DNM3: variants seen among roughly 807,000 people sequenced by gnomAD.
The protein encoded by DNM3 is dynamin 3, also known as dynamin-3.
Under a neutral mutation model 101.6 loss-of-function variants are expected in DNM3, and 47 were observed. The observed-to-expected ratio is 0.46, with a 90% CI of 0.37 to 0.59. DNM3 has a LOEUF of 0.59. Among genes scored for constraint, DNM3 ranks in the 20% least tolerant of loss-of-function variants. The pLI is 0.00. For missense variants in DNM3, 849 were observed against 1,085.7 expected (o/e 0.78, Z 3.06); for synonymous variants, 385 against 387.9 (o/e 0.99, Z 0.09).
chr1:172,232,846 C>A (rs564523354), intron 14 of DNM3, among the ~76,000 whole-genome samples: 63 of 152,134 alleles, frequency 4.1e-4, no homozygotes, highest in Non-Finnish European at 7.8e-4. Flanking sequence ...CCAACGAGGA[C>A]AAAGGCACAA....
At chr1:171,946,222 C>G (rs1024234654) in intron 2 of DNM3, among the ~76,000 whole-genome samples, 5 of 151,970 alleles carry the variant, frequency 3.3e-5, no homozygotes, top group African/African-American at 1.2e-4. Context: ...TTACCTGGGG[C>G]CTGCAAATGA....
At chr1:172,356,530 G>A (rs2067459977) in intron 17 of DNM3, among the ~76,000 whole-genome samples, 1 of 151,996 alleles carries the variant, frequency 6.6e-6, no homozygotes, top group African/African-American at 2.4e-5. Flanking sequence ...TGTAATGAAA[G>A]AGCCATAGAC....
At chr1:172,341,363 C>T (rs1268091411) in intron 17 of DNM3, among the ~76,000 whole-genome samples, 1 of 152,132 alleles carries the variant, frequency 6.6e-6, no homozygotes, top group Non-Finnish European at 1.5e-5. Flanking sequence ...CAGTAGTATT[C>T]TTCACAGAAT....
chr1:172,180,454 A>G (rs1306658015), intron 14 of DNM3, among the ~76,000 whole-genome samples: 1 of 152,012 alleles, frequency 6.6e-6, no homozygotes, highest in Non-Finnish European at 1.5e-5. Context: ...AAATATTCTG[A>G]TAGATAAATA....
chr1:172,049,741 T>C lies in DNM3; in HGVS notation c.1335+991T>C, dbSNP rs888309779. Among the ~76,000 whole-genome samples, 6 of 152,150 alleles carry C rather than the reference T, an allele frequency of 3.9e-5. No individual in the cohort carries two copies. In the East Asian group the frequency reaches 7.7e-4, roughly 20 times the overall value. ...GTTTTGTTATCCTTCCCTTTATAGATGGTTACTAGCAGTTACCTTTCTGAA... is the reference window on the plus strand; with the variant it reads ...GTTTTGTTATCCTTCCCTTTATAGACGGTTACTAGCAGTTACCTTTCTGAA... On this transcript the variant is annotated intron_variant, in intron 10 of 20. Transcript: ENST00000627582.
At chr1:172,267,729 T>C (rs1487637962) in intron 15 of DNM3, among the ~76,000 whole-genome samples, 1 of 152,004 alleles carries the variant, frequency 6.6e-6, no homozygotes, top group Non-Finnish European at 1.5e-5. Context: ...TTTTTATTTT[T>C]AGAGATGGAG....
chr1:172,244,512 A>T (rs1247757880), intron 14 of DNM3, among the ~76,000 whole-genome samples: 1 of 151,774 alleles, frequency 6.6e-6, no homozygotes. Context: ...TTACAAGAAA[A>T]AAACAAACAA....
chr1:171,998,888 G>A (rs1169496956), intron 4 of DNM3, among the ~76,000 whole-genome samples: 2 of 152,038 alleles, frequency 1.3e-5, no homozygotes, highest in African/African-American at 2.4e-5. Flanking sequence ...GAACTGGCTT[G>A]ACATGTTGAG....
intron 14 of DNM3, among the ~76,000 whole-genome samples, chr1:172,162,373 G>A (rs901062048): frequency 6.6e-6 from 1 of 151,922 alleles, no homozygotes; most frequent in African/African-American, 2.4e-5. Context: ...ATACACATAA[G>A]GGCTGCTTTC....
intron 1 of DNM3, among the ~76,000 whole-genome samples, chr1:171,898,259 A>G (rs567704443): frequency 1.3e-5 from 2 of 152,240 alleles, no homozygotes; most frequent in African/African-American, 2.4e-5. Flanking sequence ...TAAAATTAGT[A>G]CATTTCTTAT....
chr1:171,868,961 T>C (rs1432728055), intron 1 of DNM3, among the ~76,000 whole-genome samples: 1 of 152,146 alleles, frequency 6.6e-6, no homozygotes, highest in Admixed American at 6.5e-5. Context: ...TTTTGTACTT[T>C]TAGTAGAGAC....
intron 20 of DNM3, among the ~76,000 whole-genome samples, chr1:172,404,100 C>A (rs1008286352): frequency 1.3e-5 from 2 of 151,988 alleles, no homozygotes; most frequent in South Asian, 4.1e-4. Flanking sequence ...ATGTTTATTT[C>A]TTCTGCAAGG....
At chr1:172,137,476 T>C (rs904896355) in intron 14 of DNM3, 1 of 152,186 alleles carries the variant, frequency 6.6e-6, no homozygotes, top group African/African-American at 2.4e-5. Context: ...CATTCAGTTT[T>C]TTAATTAAAG....
intron 15 of DNM3, among the ~76,000 whole-genome samples, chr1:172,263,822 A>G (rs1005258772): frequency 1.4e-4 from 22 of 152,210 alleles, no homozygotes; most frequent in African/African-American, 5.1e-4. Context: ...ATTAAAATAT[A>G]AGATGTTTTC....
At chr1:172,128,909 A>G (rs908505673) in intron 13 of DNM3, among the ~76,000 whole-genome samples, 1 of 152,184 alleles carries the variant, frequency 6.6e-6, no homozygotes, top group Admixed American at 6.5e-5. Flanking sequence ...GGTTATTGCA[A>G]TGGGTTTTAT....
intron 8 of DNM3, among the ~76,000 whole-genome samples, chr1:172,042,635 T>A (rs1171299881): frequency 6.6e-6 from 1 of 152,158 alleles, no homozygotes. Flanking sequence ...CAGAATGGCA[T>A]GAAGAGGTCA....
chr1:172,144,187 T>C (rs1184525259), intron 14 of DNM3, among the ~76,000 whole-genome samples: 2 of 141,908 alleles, frequency 1.4e-5, no homozygotes, highest in Admixed American at 1.4e-4. Context: ...TCTTCAGAAA[T>C]AAAAAAAAAA....
intron 13 of DNM3, chr1:172,093,654 C>T: frequency 6.4e-7 from 1 of 1,571,204 alleles, no homozygotes; most frequent in Admixed American, 2.0e-5. Flanking sequence ...ATTTTAAAAA[C>T]TTTTTTTCTG....
At chr1:172,093,933 A>C (rs931908902) in intron 13 of DNM3, among the ~76,000 whole-genome samples, 2 of 152,196 alleles carry the variant, frequency 1.3e-5, no homozygotes, top group Non-Finnish European at 2.9e-5. Context: ...TGTGATTGAA[A>C]GGTATGAACT....
Sources: gnomAD v4.1 joint callset for allele counts (sites outside exome capture counted in the v4.1 genomes callset) on GRCh38, gnomAD v4.1.1 for gene constraint, MANE v1.5 for transcripts, NCBI Gene and HGNC (gene_info 2026-07-23, HGNC 2026-07-21) for gene names.